PDGFRL: variants seen among roughly 807,000 people sequenced by gnomAD.
PDGFRL encodes the protein platelet derived growth factor receptor like, also known as platelet-derived growth factor receptor-like protein.
Under a neutral mutation model 37.2 loss-of-function variants are expected in PDGFRL, and 46 were observed. That is an observed-to-expected ratio of 1.24 (90% CI 0.98 to 1.58). The LOEUF is 1.58. Ranked by LOEUF, PDGFRL falls within the 40% of genes most tolerant of loss-of-function variation. The probability of loss-of-function intolerance (pLI) is 0.00; values close to 1 mark genes in which losing one functional copy is unlikely to be tolerated. For missense variants in PDGFRL, 692 were observed against 467.6 expected (o/e 1.48, Z -4.43); for synonymous variants, 251 against 184.3 (o/e 1.36, Z -2.93).
intron 2 of PDGFRL, among the ~76,000 whole-genome samples, chr8:17,607,710 A>G (rs1223538562): frequency 6.6e-6 from 1 of 152,228 alleles, no homozygotes; most frequent in Non-Finnish European, 1.5e-5. Flanking sequence ...TCTGGGATTT[A>G]ATGCTCAAAT....
intron 2 of PDGFRL, among the ~76,000 whole-genome samples, chr8:17,600,927 A>AGCTATGATT (rs1210060390): frequency 1.3e-5 from 2 of 151,948 alleles, no homozygotes; most frequent in African/African-American, 4.8e-5. Context: ...GACTGCAGTG[A>AGCTATGATT]GCTATGATTG....
intron 2 of PDGFRL, among the ~76,000 whole-genome samples, chr8:17,612,585 G>C (rs1027951032): frequency 6.6e-6 from 1 of 152,118 alleles, no homozygotes; most frequent in East Asian, 1.9e-4. Context: ...TGGCCAGGCT[G>C]GTCTCAAACT....
At chr8:17,605,115 C>T (rs2720486) in intron 2 of PDGFRL, among the ~76,000 whole-genome samples, 150,837 of 152,182 alleles carry the variant, frequency 0.99, 74,764 homozygotes, top group Middle Eastern at 1. Context: ...AGACTCTGTC[C>T]CAGAAAGAAT....
intron 2 of PDGFRL, among the ~76,000 whole-genome samples, chr8:17,593,044 C>G (rs1413477500): frequency 6.6e-6 from 1 of 152,054 alleles, no homozygotes; most frequent in Non-Finnish European, 1.5e-5. Context: ...TGTATTAAGA[C>G]ATCTTTCACA....
chr8:17,628,387 C>G, intron 3 of PDGFRL, 100 bp from the exon 4 acceptor site: 1 of 838,392 alleles, frequency 1.2e-6, no homozygotes, highest in Non-Finnish European at 2.0e-6. Context: ...TTTCCTACTC[C>G]TAAGGACTCA....
At chr8:17,576,892 G>T (rs1803593564), upstream of PDGFRL, 3 of 280,252 alleles carry the variant, frequency 1.1e-5, no homozygotes, top group Admixed American at 1.0e-4. Flanking sequence ...GGTTAAAAGT[G>T]ACCCCATCAG....
rs559967864 is a variant in PDGFRL, at chr8:17,583,535, C to T, written c.56-5933C>T. On this transcript the variant is annotated intron_variant, in intron 1 of 5. Coordinates refer to ENST00000251630, the MANE Select transcript of PDGFRL (RefSeq NM_001372073.1). ...ATTGGGAAAGGATGCTTGTAATTTG[C>T]AGTATTTGAAAGACATGAGTTTTGG... Among the ~76,000 whole-genome samples the T allele has an allele frequency of 8.2e-4, 125 of 152,222 alleles. 5 individuals are homozygous for T. In the South Asian group the frequency reaches 0.025, roughly 31 times the overall value.
Position 17,628,791 on chromosome 8 carries a change from C to A in PDGFRL, c.799+11C>A. The stretch of plus-strand genomic sequence containing the variant: ...TGCTCTATGTGGCGGGTAAGCCTGG[C>A]CACCCCTGCCTAGATTCTAGTTAGT... On this transcript the variant is annotated intron_variant, in intron 4 of 5. Transcript: ENST00000251630. 1.3e-6 allele frequency: 2 copies of A among 1,599,308 alleles called. No individual in the cohort carries two copies. Among genetic ancestry groups the A allele is most frequent in the Non-Finnish European group, 1.7e-6 (2 of 1,167,140 alleles).
intron 1 of PDGFRL, among the ~76,000 whole-genome samples, chr8:17,581,105 A>G (rs770926758): frequency 2.0e-5 from 3 of 152,110 alleles, no homozygotes; most frequent in African/African-American, 4.8e-5. Flanking sequence ...TTAGGACTTC[A>G]GCATATCTTT....
chr8:17,598,615 T>C (rs529754480), intron 2 of PDGFRL, among the ~76,000 whole-genome samples: 1 of 152,322 alleles, frequency 6.6e-6, no homozygotes, highest in South Asian at 2.1e-4. Context: ...AACAACAAAG[T>C]ATTAATGTAT....
chr8:17,642,669 A>G lies in PDGFRL; in HGVS notation c.996A>G (p.Gly332=). The change falls in exon 6 of 6, where the codon GGA becomes GGG. Residue 332 remains glycine, a synonymous_variant. Transcript: ENST00000251630. ...DTWRLIHRGL[G]HTTRISQSVI... is the part of the protein sequence containing the mutation. ...GGAGGTTGATCCACAGAGGACTGGGACACACCACGAGAATCTCCCAGAGTG... is the reference window on the plus strand; with the variant it reads ...GGAGGTTGATCCACAGAGGACTGGGGCACACCACGAGAATCTCCCAGAGTG... The G allele has an allele frequency of 6.2e-7, 1 of 1,607,512 alleles. No individual in the cohort carries two copies. Among genetic ancestry groups the G allele is most frequent in the Non-Finnish European group, 8.5e-7 (1 of 1,173,938 alleles).
chr8:17,601,177 G>C (rs1246582128), intron 2 of PDGFRL, among the ~76,000 whole-genome samples: 1 of 152,164 alleles, frequency 6.6e-6, no homozygotes, highest in South Asian at 2.1e-4. Context: ...TTCTTGAATT[G>C]TCCCACTTCT....
intron 2 of PDGFRL, among the ~76,000 whole-genome samples, chr8:17,604,573 C>A (rs868518982): frequency 6.7e-5 from 10 of 150,212 alleles, no homozygotes; most frequent in Non-Finnish European, 8.9e-5. Context: ...CTTCACATAC[C>A]GGGGACTGTT....
chr8:17,582,453 G>A (rs567803633), intron 1 of PDGFRL, among the ~76,000 whole-genome samples: 59 of 151,862 alleles, frequency 3.9e-4, no homozygotes, highest in Non-Finnish European at 5.6e-4. Context: ...GTCGTGGTGC[G>A]CACCTGTAGT....
chr8:17,585,050 AG>A (rs1302436600), intron 1 of PDGFRL, among the ~76,000 whole-genome samples: 1 of 152,172 alleles, frequency 6.6e-6, no homozygotes, highest in African/African-American at 2.4e-5. Flanking sequence ...TAGACCATAT[AG>A]GATGACTTCC....
chr8:17,612,992 C>T (rs1228274407), intron 2 of PDGFRL, among the ~76,000 whole-genome samples: 1 of 152,152 alleles, frequency 6.6e-6, no homozygotes, highest in Non-Finnish European at 1.5e-5. Context: ...AATATTCAAA[C>T]TCTTTCATGA....
chr8:17,601,128 C>G (rs1010388441), intron 2 of PDGFRL, among the ~76,000 whole-genome samples: 2 of 152,188 alleles, frequency 1.3e-5, no homozygotes, highest in African/African-American at 4.8e-5. Flanking sequence ...TTTCGTTATT[C>G]ACTCCCGCAT....
intron 2 of PDGFRL, among the ~76,000 whole-genome samples, chr8:17,600,750 C>A (rs1213533765): frequency 6.6e-6 from 1 of 151,166 alleles, no homozygotes; most frequent in African/African-American, 2.4e-5. Flanking sequence ...CTGTAGTGAA[C>A]TATGATCTGT....
At chr8:17,580,957 A>G (rs527785952) in intron 1 of PDGFRL, among the ~76,000 whole-genome samples, 1 of 60,820 alleles carries the variant, frequency 1.6e-5, no homozygotes, top group African/African-American at 4.6e-5. Context: ...GCATTTTCAT[A>G]CGTGTGTGTG....
Sources: allele counts gnomAD v4.1 joint callset (sites outside exome capture counted in the v4.1 genomes callset), GRCh38; gene constraint gnomAD v4.1.1; transcripts MANE v1.5; gene names NCBI Gene and HGNC (gene_info 2026-07-23, HGNC 2026-07-21).